NRXN1: variants seen among roughly 807,000 people sequenced by gnomAD.
NRXN1 encodes neurexin 1.
Under a neutral mutation model 150.9 loss-of-function variants are expected in NRXN1, and 39 were observed. The observed-to-expected ratio is 0.26, with a 90% CI of 0.20 to 0.34. NRXN1 has a LOEUF of 0.34. NRXN1 is among the 10% of genes least tolerant of loss of function. NRXN1 has a pLI of 1.00. For missense variants in NRXN1, 1,815 were observed against 1,949.9 expected (o/e 0.93, Z 1.30); for synonymous variants, 924 against 757.0 (o/e 1.22, Z -3.62).
intron 2 of NRXN1, among the ~76,000 whole-genome samples, chr2:50,966,717 G>C (rs867619302): frequency 6.6e-6 from 1 of 151,770 alleles, no homozygotes; most frequent in Admixed American, 6.6e-5. Context: ...ATGTTGTATG[G>C]GTAGATTGGC....
intron 12 of NRXN1, among the ~76,000 whole-genome samples, chr2:50,524,911 T>G (rs1045754160): frequency 2.6e-5 from 4 of 152,116 alleles, no homozygotes; most frequent in African/African-American, 9.7e-5. Flanking sequence ...TGAGTTTGGA[T>G]GTATCGTTTG....
intron 18 of NRXN1, among the ~76,000 whole-genome samples, chr2:50,148,693 C>T (rs1013043667): frequency 3.3e-5 from 5 of 151,672 alleles, no homozygotes; most frequent in Non-Finnish European, 4.4e-5. Flanking sequence ...CAAAGTGCCC[C>T]TGATGCTACT....
chr2:50,212,225 C>G (rs1446521569), intron 18 of NRXN1, among the ~76,000 whole-genome samples: 1 of 145,672 alleles, frequency 6.9e-6, no homozygotes, highest in Non-Finnish European at 1.5e-5. Context: ...ATAAATGTCA[C>G]AGAAACTCTC....
Position 50,552,831 on chromosome 2 carries a change from T to A in NRXN1, c.1515A>T (p.Ser505=), listed in dbSNP as rs1193506543. The A allele has an allele frequency of 3.1e-6, 5 of 1,613,810 alleles. No homozygotes were observed. Among genetic ancestry groups the A allele is most frequent in the East Asian group, 4.5e-5 (2 of 44,886 alleles). The change falls in exon 9 of 23, where the codon TCA becomes TCT. Residue 505 remains serine (S), a synonymous_variant. Transcript: ENST00000401669. Reference sequence around the variant, plus strand: ...TTGGCTCTGTTGTACGGAAATCAAATGATATGGAGCCAGTTTTCTTTGCAT... The same window carrying A: ...TTGGCTCTGTTGTACGGAAATCAAAAGATATGGAGCCAGTTTTCTTTGCAT... ...KWNAKKTGSI[S]FDFRTTEPNG...
At chr2:50,146,136 C>T (rs1707977113) in intron 18 of NRXN1, among the ~76,000 whole-genome samples, 1 of 151,608 alleles carries the variant, frequency 6.6e-6, no homozygotes, top group Non-Finnish European at 1.5e-5. Flanking sequence ...GCGGGTTAAA[C>T]TGGCAGTTAT....
intron 5 of NRXN1, among the ~76,000 whole-genome samples, chr2:50,913,447 G>T (rs555921784): frequency 1.3e-5 from 2 of 151,804 alleles, no homozygotes; most frequent in Admixed American, 6.6e-5. Context: ...GGAAAACTGG[G>T]TCAGTTTCCC....
chr2:50,617,906 C>T (rs1372112969), intron 8 of NRXN1, among the ~76,000 whole-genome samples: 1 of 152,258 alleles, frequency 6.6e-6, no homozygotes, highest in South Asian at 2.1e-4. Context: ...CAGTTTTATA[C>T]ACACACAGAA....
intron 8 of NRXN1, among the ~76,000 whole-genome samples, chr2:50,611,165 T>C (rs1678057259): frequency 6.6e-6 from 1 of 151,884 alleles, no homozygotes. Context: ...AGAGAAAATG[T>C]TCAGTCTCAG....
intron 8 of NRXN1, among the ~76,000 whole-genome samples, chr2:50,564,603 A>G (rs1181134893): frequency 3.9e-5 from 6 of 152,208 alleles, no homozygotes; most frequent in African/African-American, 1.4e-4. Flanking sequence ...ATGGAATTAT[A>G]GCTGGATGCA....
chr2:50,677,764 C>A (rs944465233), intron 5 of NRXN1, among the ~76,000 whole-genome samples: 13 of 152,016 alleles, frequency 8.6e-5, no homozygotes, highest in African/African-American at 3.1e-4. Flanking sequence ...TGGATATTCC[C>A]TTTCTCAGGT....
intron 18 of NRXN1, among the ~76,000 whole-genome samples, chr2:50,128,241 C>A (rs1162764197): frequency 6.6e-6 from 1 of 151,968 alleles, no homozygotes; most frequent in Non-Finnish European, 1.5e-5. Context: ...GGTACTAGGG[C>A]AAAGCATGGA....
At chr2:50,426,833 C>A (rs937473050) in intron 17 of NRXN1, among the ~76,000 whole-genome samples, 11 of 152,132 alleles carry the variant, frequency 7.2e-5, no homozygotes, top group Non-Finnish European at 1.0e-4. Flanking sequence ...TCATAATTGA[C>A]AAAATATACA....
intron 21 of NRXN1, among the ~76,000 whole-genome samples, chr2:50,029,796 C>T (rs957741718): frequency 6.6e-6 from 1 of 152,162 alleles, no homozygotes; most frequent in East Asian, 1.9e-4. Context: ...GGTTTCACCA[C>T]TTGTCAACTA....
At chr2:50,341,719 T>C (rs2077561692) in intron 17 of NRXN1, among the ~76,000 whole-genome samples, 1 of 152,212 alleles carries the variant, frequency 6.6e-6, no homozygotes. Flanking sequence ...GAAATTGTTA[T>C]GTTTTGTTAG....
At chr2:50,272,500 G>A (rs1358934959) in intron 17 of NRXN1, among the ~76,000 whole-genome samples, 2 of 152,100 alleles carry the variant, frequency 1.3e-5, no homozygotes. Flanking sequence ...ATTTTTCCAA[G>A]ATTTAGCCAG....
At chr2:50,775,744 G>C (rs1406391018) in intron 5 of NRXN1, among the ~76,000 whole-genome samples, 1 of 152,098 alleles carries the variant, frequency 6.6e-6, no homozygotes, top group African/African-American at 2.4e-5. Flanking sequence ...TTCATCCACA[G>C]AAAGACCTTT....
At chr2:50,963,208 G>C (rs182158442) in intron 2 of NRXN1, among the ~76,000 whole-genome samples, 2 of 151,620 alleles carry the variant, frequency 1.3e-5, no homozygotes, top group East Asian at 3.9e-4. Context: ...CACTTACCAG[G>C]ATGCTGCTGC....
rs1197431819 is a variant in NRXN1 at position 51,027,820 on chromosome 2, C to A, written c.454G>T (p.Gly152Cys). The change falls in exon 2 of 23, where the codon GGC becomes TGC. Residue 152 changes from glycine (G) to cysteine (C), a missense_variant. Physicochemically the swap from Gly to Cys is radical, Grantham distance 159. Around this residue, in one of 6 missense-constraint regions of NRXN1, gnomAD observed 554 missense variants for 478.8 expected, o/e 1.16. Transcript: ENST00000401669. Reference sequence around the variant, plus strand: ...GGGGGCAGCCCCCCGACGAAAAGGCCGCTGAACACCGTCATGTCCCTGCGC... The same window carrying A: ...GGGGGCAGCCCCCCGACGAAAAGGCAGCTGAACACCGTCATGTCCCTGCGC... Reference protein sequence around the residue: ...SKRRDMTVFSGLFVGGLPPEL... With the variant: ...SKRRDMTVFSCLFVGGLPPEL... 2 of 1,613,280 alleles carry A rather than the reference C, an allele frequency of 1.2e-6. No individual in the cohort carries two copies. The highest frequency in any genetic ancestry group is 1.7e-6 in the Non-Finnish European group (2 of 1,179,720).
intron 19 of NRXN1, among the ~76,000 whole-genome samples, chr2:50,060,154 C>T (rs1176451878): frequency 6.6e-6 from 1 of 152,138 alleles, no homozygotes; most frequent in Non-Finnish European, 1.5e-5. Context: ...GCGGCTGTAC[C>T]CTGCAAAGCC....
Sources: gnomAD v4.1 joint callset for allele counts (sites outside exome capture counted in the v4.1 genomes callset) on GRCh38, gnomAD v4.1.1 for gene constraint, gnomAD v4.1.1 regional missense constraint, MANE v1.5 for transcripts, NCBI Gene and HGNC (gene_info 2026-07-23, HGNC 2026-07-21) for gene names.